The following PTCD3 variants were observed in gnomAD, a reference collection of about 807,000 sequenced individuals.
The protein encoded by PTCD3 is pentatricopeptide repeat domain 3.
In PTCD3, 89 loss-of-function variants were observed where a neutral mutation model predicts 101.9. That is an observed-to-expected ratio of 0.87 (90% CI 0.74 to 1.04). The LOEUF (loss-of-function observed/expected upper bound fraction) is 1.04. Among genes scored for constraint, PTCD3 ranks in the 50% least tolerant of loss-of-function variants. The pLI is 0.00. For missense variants in PTCD3, 870 were observed against 828.2 expected (o/e 1.05, Z -0.62); for synonymous variants, 296 against 278.5 (o/e 1.06, Z -0.63).
At chr2:86,111,706 C>T in intron 4 of PTCD3, 1 of 159,030 alleles carries the variant, frequency 6.3e-6, no homozygotes, top group Non-Finnish European at 1.4e-5. Flanking sequence ...CCAGCTTGGG[C>T]AATGTAGCAA....
At position 86,133,217 on chromosome 2, in the gene PTCD3, T is replaced by G. The variant is rs1674524349; in HGVS notation, c.1413T>G (p.Ile471Met). 6.2e-7 allele frequency: 1 copy of G among 1,614,028 alleles called. No individual in the cohort carries two copies. The change falls in exon 18 of 24, where the codon ATT (isoleucine) becomes ATG (methionine). Residue 471 changes from isoleucine (I) to methionine (M), a missense_variant. Ile to Met is a conservative substitution (Grantham distance 10). Coordinates refer to ENST00000254630, the MANE Select transcript of PTCD3 (RefSeq NM_017952.6). ...ATTTGATTTGTCTAATGGAACAAAT[T>G]GATGTTACCTTGAAGTGGTATGAGG... ...FFDLICLMEQ[I>M]DVTLKWYEDL...
At chr2:86,135,296 A>T (rs569272694) in intron 21 of PTCD3, 1 of 218,126 alleles carries the variant, frequency 4.6e-6, no homozygotes, top group East Asian at 1.0e-4. Flanking sequence ...ATATGATCAA[A>T]GAAACGTAGT....
chr2:86,114,457 T>C (rs1674145619), intron 4 of PTCD3, among the ~76,000 whole-genome samples: 1 of 152,026 alleles, frequency 6.6e-6, no homozygotes, highest in Non-Finnish European at 1.5e-5. Context: ...GCCCGGCTAA[T>C]TTTTGTATTT....
At chr2:86,128,980 T>A (rs1056521371) in intron 14 of PTCD3, among the ~76,000 whole-genome samples, 2 of 152,260 alleles carry the variant, frequency 1.3e-5, no homozygotes, top group Non-Finnish European at 2.9e-5. Context: ...CTAGTCATTC[T>A]TTCTTGTGGA....
intron 13 of PTCD3, 81 bp from the exon 14 acceptor site, chr2:86,127,860 A>G (rs944279235): frequency 9.4e-7 from 1 of 1,065,598 alleles, no homozygotes; most frequent in African/African-American, 1.6e-5. Flanking sequence ...TTTTTAATTC[A>G]GTGTGTCTCA....
chr2:86,108,327 T>G lies in PTCD3; in HGVS notation c.105-23T>G, dbSNP rs769098074. 13 of 1,604,720 alleles carry G rather than the reference T, an allele frequency of 8.1e-6. No homozygotes were observed. In the East Asian group the frequency reaches 2.9e-4, roughly 36 times the overall value. ...GGTACTTCATTAATGACTATTAGATTTAAGGCTTTTGTTTTTTTGCAGATT... is the reference window on the plus strand; with the variant it reads ...GGTACTTCATTAATGACTATTAGATGTAAGGCTTTTGTTTTTTTGCAGATT... On this transcript the variant is annotated intron_variant, in intron 1 of 23. Transcript: ENST00000254630.
chr2:86,116,239 C>G (rs928125168), intron 4 of PTCD3, among the ~76,000 whole-genome samples: 4 of 152,184 alleles, frequency 2.6e-5, no homozygotes, highest in African/African-American at 9.7e-5. Context: ...AAAAATTTAG[C>G]TAGAAAGACT....
At chr2:86,134,526 C>T in intron 20 of PTCD3, 149 bp downstream of exon 20, 1 of 699,672 alleles carries the variant, frequency 1.4e-6, no homozygotes, top group Admixed American at 3.0e-5. Flanking sequence ...TTGCCCTTAG[C>T]AGAAATCTGT....
intron 7 of PTCD3, among the ~76,000 whole-genome samples, chr2:86,120,895 A>T (rs1223292888): frequency 1.3e-5 from 2 of 152,222 alleles, no homozygotes; most frequent in Admixed American, 6.5e-5. Context: ...CTATCTCAAA[A>T]CAAAAAGATA....
At chr2:86,134,261 T>C (rs981862716) in intron 19 of PTCD3, 31 bp from the exon 20 acceptor site, 7 of 1,486,010 alleles carry the variant, frequency 4.7e-6, no homozygotes, top group Non-Finnish European at 6.6e-6. Context: ...TACATAACAA[T>C]GATCACTCCT....
In PTCD3 at chr2:86,106,339, C is replaced by A; in HGVS notation, c.92C>A (p.Ala31Glu). 6.2e-7 allele frequency: 1 copy of A among 1,613,898 alleles called. No homozygotes were observed. Among genetic ancestry groups the A allele is most frequent in the Admixed American group, 1.7e-5 (1 of 60,012 alleles). Residue 31 changes from alanine (A) to glutamate (E), a missense_variant, in exon 1 of 24, where the codon GCA (alanine) becomes GAA (glutamate). Coordinates refer to ENST00000254630, the MANE Select transcript of PTCD3 (RefSeq NM_017952.6). Reference protein sequence around the residue: ...TGRRAGLCEQARSCRFYSGSA... With the variant: ...TGRRAGLCEQERSCRFYSGSA... ...CGGCGGGCGGGTTTGTGTGAACAGGCACGCAGCTGCAGGTAAGAGACGCTT... is the reference window on the plus strand; with the variant it reads ...CGGCGGGCGGGTTTGTGTGAACAGGAACGCAGCTGCAGGTAAGAGACGCTT...
chr2:86,127,229 A>G lies in PTCD3; in HGVS notation c.1020A>G (p.Lys340=), dbSNP rs1223958260. The part of the protein sequence containing the change: ...PNLQTFNTIL[K]CLRRFHVFAR... ...TTCAGACTTTTAATACCATTCTGAA[A>G]TGTCTCCGAAGATTTCATGTGTTTG... Residue 340 remains lysine, a synonymous_variant, in exon 13 of 24, where the codon AAA becomes AAG. Coordinates refer to ENST00000254630, the MANE Select transcript of PTCD3 (RefSeq NM_017952.6). The G allele has an allele frequency of 6.2e-7, 1 of 1,613,946 alleles. No homozygotes were observed. The highest frequency in any genetic ancestry group is 1.3e-5 in the African/African-American group (1 of 75,048).
chr2:86,109,108 C>T (rs1674025693), intron 3 of PTCD3, among the ~76,000 whole-genome samples: 1 of 145,120 alleles, frequency 6.9e-6, no homozygotes, highest in Admixed American at 6.7e-5. Context: ...AATTATGTGA[C>T]CTAAAGACTC....
chr2:86,110,275 G>A (rs192192200), intron 3 of PTCD3, among the ~76,000 whole-genome samples: 31 of 152,296 alleles, frequency 2.0e-4, no homozygotes, highest in African/African-American at 7.0e-4. Flanking sequence ...ACTTCTAAAC[G>A]TGGATAGAAA....
Position 86,118,423 on chromosome 2 carries a change from T to C in PTCD3, c.415-498T>C, listed in dbSNP as rs114316303. 6.6e-3 allele frequency among the ~76,000 whole-genome samples: 1,007 copies of C among 152,324 alleles called. 11 individuals are homozygous for C. The highest frequency in any genetic ancestry group is 0.023 in the African/African-American group (947 of 41,570). ...CTCCCATATCCCTACATCTCTCTGC[T>C]TCCCAAAGCTCACAGGGAAACACAC... On this transcript the variant is annotated intron_variant, in intron 6 of 23. Coordinates refer to ENST00000254630, the MANE Select transcript of PTCD3 (RefSeq NM_017952.6).
chr2:86,126,917 G>C (rs1674406539), intron 12 of PTCD3, among the ~76,000 whole-genome samples: 1 of 151,850 alleles, frequency 6.6e-6, no homozygotes, highest in African/African-American at 2.4e-5. Flanking sequence ...AACTCTCCTA[G>C]GTAGAAGACT....
At chr2:86,124,380 C>T (rs147102349) in intron 9 of PTCD3, among the ~76,000 whole-genome samples, 54 of 152,192 alleles carry the variant, frequency 3.5e-4, no homozygotes, top group African/African-American at 9.2e-4. Context: ...ATCCTGGTGC[C>T]GTGGGAGGCC....
intron 14 of PTCD3, among the ~76,000 whole-genome samples, chr2:86,130,126 C>A (rs1389594996): frequency 6.6e-6 from 1 of 152,032 alleles, no homozygotes; most frequent in Non-Finnish European, 1.5e-5. Flanking sequence ...ATGGGGAAAC[C>A]CCTCCTCTAC....
Position 86,123,951 on chromosome 2 carries a change from A to G in PTCD3, c.716+189A>G, listed in dbSNP as rs530309450. 2.0e-4 allele frequency among the ~76,000 whole-genome samples: 31 copies of G among 152,310 alleles called. No individual in the cohort carries two copies. The South Asian group carries it at 5.8e-3, about 29-fold the overall frequency. ...TCAATAAGGTCTTTATCTCCATTCA[A>G]CAACACAAGAATCTGTTGAGACTTT... On this transcript the variant is annotated intron_variant, in intron 9 of 23. Coordinates refer to ENST00000254630, the MANE Select transcript of PTCD3 (RefSeq NM_017952.6).
Sources: allele counts gnomAD v4.1 joint callset (sites outside exome capture counted in the v4.1 genomes callset), GRCh38; gene constraint gnomAD v4.1.1; transcripts MANE v1.5; gene names NCBI Gene and HGNC (gene_info 2026-07-23, HGNC 2026-07-21).